The following RAD51B variants were observed in gnomAD, a reference collection of about 807,000 sequenced individuals.
The protein encoded by RAD51B is DNA repair protein RAD51 homolog 2.
Under a neutral mutation model 42.2 loss-of-function variants are expected in RAD51B, and 38 were observed. The ratio of observed to expected loss-of-function variants is 0.90; its 90% confidence interval spans 0.70 to 1.18. The LOEUF is 1.18. Ranked by LOEUF, RAD51B falls within the 50% of genes most tolerant of loss-of-function variation. RAD51B has a pLI of 0.00. For missense variants in RAD51B, 373 were observed against 400.7 expected (o/e 0.93, Z 0.59); for synonymous variants, 154 against 145.2 (o/e 1.06, Z -0.43).
At chr14:68,405,202 C>T (rs2084231400) in intron 8 of RAD51B, among the ~76,000 whole-genome samples, 1 of 152,200 alleles carries the variant, frequency 6.6e-6, no homozygotes, top group African/African-American at 2.4e-5. Context: ...TTTAAGCTTA[C>T]ATAGTGCCTA....
chr14:68,012,206 G>C (rs899933306), intron 7 of RAD51B, among the ~76,000 whole-genome samples: 1 of 152,108 alleles, frequency 6.6e-6, no homozygotes, highest in Non-Finnish European at 1.5e-5. Flanking sequence ...ATAAGCTAGA[G>C]CAAGAAAGTG....
chr14:67,904,049 T>G (rs1433987974), intron 7 of RAD51B, among the ~76,000 whole-genome samples: 1 of 152,164 alleles, frequency 6.6e-6, no homozygotes, highest in Non-Finnish European at 1.5e-5. Context: ...GATAATGGCC[T>G]CCAGCTCCAT....
At chr14:68,443,853 AC>A (rs1356744119) in intron 9 of RAD51B, among the ~76,000 whole-genome samples, 2 of 152,080 alleles carry the variant, frequency 1.3e-5, no homozygotes, top group African/African-American at 4.8e-5. Context: ...AAAAAAAAAA[AC>A]AAAACTTTCT....
At chr14:68,474,078 C>T (rs1179278832) in intron 10 of RAD51B, among the ~76,000 whole-genome samples, 1 of 152,226 alleles carries the variant, frequency 6.6e-6, no homozygotes, top group Admixed American at 6.5e-5. Context: ...CACATCCATT[C>T]AGTGTGTGAA....
chr14:68,032,840 A>G (rs73284244), intron 7 of RAD51B, among the ~76,000 whole-genome samples: 4,528 of 152,246 alleles, frequency 0.03, 238 homozygotes, highest in African/African-American at 0.1. Context: ...TCTATCTTAT[A>G]CCACTATTAC....
intron 7 of RAD51B, among the ~76,000 whole-genome samples, chr14:68,069,318 G>T (rs1192768164): frequency 2.0e-5 from 3 of 152,082 alleles, no homozygotes; most frequent in Non-Finnish European, 4.4e-5. Context: ...ACATGTGCAG[G>T]TTTGTTACAT....
At chr14:68,617,157 G>C (rs926810242) in intron 10 of RAD51B, among the ~76,000 whole-genome samples, 3 of 152,094 alleles carry the variant, frequency 2.0e-5, no homozygotes, top group African/African-American at 7.2e-5. Context: ...ATATTTTAAA[G>C]GTTACATTGT....
At chr14:68,059,096 A>T (rs2076527923) in intron 7 of RAD51B, among the ~76,000 whole-genome samples, 1 of 152,100 alleles carries the variant, frequency 6.6e-6, no homozygotes, top group Admixed American at 6.6e-5. Flanking sequence ...TAAGCCCCCA[A>T]ATCAGTCCCT....
At chr14:68,356,665 G>C (rs1166331005) in intron 8 of RAD51B, among the ~76,000 whole-genome samples, 1 of 152,036 alleles carries the variant, frequency 6.6e-6, no homozygotes, top group Non-Finnish European at 1.5e-5. Flanking sequence ...CTGAAGGTTG[G>C]AGTGGCTGTA....
chr14:68,499,487 G>C (rs1316963565), intron 10 of RAD51B, among the ~76,000 whole-genome samples: 1 of 152,174 alleles, frequency 6.6e-6, no homozygotes, highest in Non-Finnish European at 1.5e-5. Flanking sequence ...ATATTTTGCA[G>C]GGTTAGTGGA....
At chr14:68,094,448 T>C (rs184360309) in intron 7 of RAD51B, among the ~76,000 whole-genome samples, 1 of 152,292 alleles carries the variant, frequency 6.6e-6, no homozygotes, top group East Asian at 1.9e-4. Context: ...TAATGAAAAA[T>C]ATAAAAGAAG....
intron 10 of RAD51B, among the ~76,000 whole-genome samples, chr14:68,499,820 G>A (rs952150355): frequency 6.6e-5 from 10 of 152,216 alleles, no homozygotes; most frequent in African/African-American, 1.9e-4. Flanking sequence ...AGAGCCTTCA[G>A]AGGGAGCCTG....
At chr14:68,339,629 G>A (rs189804194) in intron 8 of RAD51B, 76 of 220,612 alleles carry the variant, frequency 3.4e-4, no homozygotes, top group African/African-American at 1.6e-3. Context: ...TGATATTTTC[G>A]CCTTTAAAGA....
intron 7 of RAD51B, among the ~76,000 whole-genome samples, chr14:68,272,839 C>T (rs1310997173): frequency 1.3e-5 from 2 of 149,734 alleles, no homozygotes; most frequent in African/African-American, 2.5e-5. Flanking sequence ...TGCCCACCAC[C>T]TTGCCTGGCT....
chr14:68,411,652 C>A lies in RAD51B; in HGVS notation c.957+125C>A, dbSNP rs10146772. On this transcript the variant is annotated intron_variant, in intron 9 of 10. Coordinates refer to ENST00000471583, the MANE Select transcript of RAD51B (RefSeq NM_133510.4). ...CTGAGCCAGCAGCAGCTATTAGGGC[C>A]TAAAGAAACCAGCATTTCTGCTTGT... 340,550 of 773,866 alleles carry A rather than the reference C, an allele frequency of 0.44. 78,524 individuals carry two copies. The highest frequency in any genetic ancestry group is 0.64 in the African/African-American group (36,785 of 57,146). The allele number at this position is 773,866 out of a possible 1,614,324, so 47.9% of individuals were successfully genotyped here.
At chr14:68,256,612 A>G (rs989117747) in intron 7 of RAD51B, among the ~76,000 whole-genome samples, 2 of 151,846 alleles carry the variant, frequency 1.3e-5, no homozygotes. Flanking sequence ...ACATCCTAAT[A>G]TTTTCTCTCA....
chr14:68,368,152 A>C (rs558933041), intron 8 of RAD51B, among the ~76,000 whole-genome samples: 7 of 152,372 alleles, frequency 4.6e-5, no homozygotes, highest in African/African-American at 1.7e-4. Flanking sequence ...CCAGAAACCT[A>C]ATTGGGAAAG....
chr14:68,252,919 A>G (rs1241602224), intron 7 of RAD51B, among the ~76,000 whole-genome samples: 1 of 152,108 alleles, frequency 6.6e-6, no homozygotes, highest in Non-Finnish European at 1.5e-5. Flanking sequence ...CGACTCTACT[A>G]AAAGTACAAA....
intron 7 of RAD51B, among the ~76,000 whole-genome samples, chr14:68,233,860 C>T (rs866788620): frequency 6.6e-6 from 1 of 151,926 alleles, no homozygotes; most frequent in East Asian, 1.9e-4. Context: ...GAAAATGAGC[C>T]GAAATAGGTT....
Sources: allele counts gnomAD v4.1 joint callset (sites outside exome capture counted in the v4.1 genomes callset), GRCh38; gene constraint gnomAD v4.1.1; transcripts MANE v1.5; gene names NCBI Gene and HGNC (gene_info 2026-07-23, HGNC 2026-07-21).